Variants in BNC2 observed in about 807,000 individuals in gnomAD.
The protein encoded by BNC2 is basonuclin zinc finger protein 2, also known as zinc finger protein basonuclin-2.
A neutral mutation model predicts 76.3 loss-of-function variants in BNC2; 20 were observed. The observed-to-expected ratio is 0.26, with a 90% CI of 0.18 to 0.38. BNC2 has a LOEUF of 0.38. Among genes scored for constraint, BNC2 ranks in the 10% least tolerant of loss-of-function variants. The pLI is 1.00. For synonymous variants in BNC2, 582 were observed against 514.8 expected (o/e 1.13, Z -1.77); for missense variants, 1,382 against 1,399.8 (o/e 0.99, Z 0.20).
At chr9:16,732,170 AAAAGAAAC>A (rs1824525800) in intron 2 of BNC2, among the ~76,000 whole-genome samples, 1 of 151,352 alleles carries the variant, frequency 6.6e-6, no homozygotes. Context: ...AAAAAAAAGA[AAAAGAAAC>A]AAAAAAGAAA....
At chr9:16,819,218 A>C (rs1818255822) in intron 1 of BNC2, among the ~76,000 whole-genome samples, 1 of 152,230 alleles carries the variant, frequency 6.6e-6, no homozygotes. Context: ...TATTTGACAG[A>C]TTTTATTAAT....
chr9:16,552,393 C>CGA (rs761731320), intron 5 of BNC2, 137 bp downstream of exon 5: 95 of 757,222 alleles, frequency 1.3e-4, no homozygotes, highest in Admixed American at 2.2e-4. Context: ...TTTCCCCTTC[C>CGA]CTGACAAGCC....
intron 3 of BNC2, among the ~76,000 whole-genome samples, chr9:16,653,396 T>C (rs1256187138): frequency 6.6e-6 from 1 of 152,128 alleles, no homozygotes; most frequent in East Asian, 1.9e-4. Flanking sequence ...CCGCCTTAAA[T>C]ACAAAATGCA....
intron 1 of BNC2, among the ~76,000 whole-genome samples, chr9:16,816,187 A>G (rs1039361133): frequency 3.3e-5 from 5 of 152,136 alleles, no homozygotes; most frequent in African/African-American, 1.2e-4. Flanking sequence ...AGCTTGAGAC[A>G]TTGTTCTGGC....
At chr9:16,691,983 G>T (rs550936567) in intron 3 of BNC2, among the ~76,000 whole-genome samples, 1 of 151,492 alleles carries the variant, frequency 6.6e-6, no homozygotes, top group Non-Finnish European at 1.5e-5. Context: ...GCTAATTTTT[G>T]TACTTTTAGT....
At chr9:16,783,263 A>T (rs1434096733) in intron 1 of BNC2, among the ~76,000 whole-genome samples, 1 of 152,184 alleles carries the variant, frequency 6.6e-6, no homozygotes, top group African/African-American at 2.4e-5. Context: ...GAAAAAGTAA[A>T]TAAAACATTC....
At chr9:16,424,229 T>C (rs932799388) in intron 6 of BNC2, among the ~76,000 whole-genome samples, 1 of 148,592 alleles carries the variant, frequency 6.7e-6, no homozygotes, top group Non-Finnish European at 1.5e-5. Flanking sequence ...TTTGAGGTTT[T>C]AAACTTGGCT....
chr9:16,848,887 T>A (rs1319507358), intron 1 of BNC2, among the ~76,000 whole-genome samples: 1 of 152,186 alleles, frequency 6.6e-6, no homozygotes, highest in South Asian at 2.1e-4. Flanking sequence ...AATTCAGGCA[T>A]AAAATGTAAA....
intron 3 of BNC2, among the ~76,000 whole-genome samples, chr9:16,614,156 C>T (rs1820629942): frequency 6.6e-6 from 1 of 152,198 alleles, no homozygotes. Flanking sequence ...ATTTCACTGT[C>T]ACAAGCCTGA....
chr9:16,769,808 C>A (rs1817205893), intron 1 of BNC2, among the ~76,000 whole-genome samples: 1 of 152,166 alleles, frequency 6.6e-6, no homozygotes, highest in Non-Finnish European at 1.5e-5. Flanking sequence ...TTACAAGATT[C>A]ATGTGGGTGG....
chr9:16,860,171 A>G (rs1008808936), intron 1 of BNC2, among the ~76,000 whole-genome samples: 3 of 152,218 alleles, frequency 2.0e-5, no homozygotes, highest in African/African-American at 7.2e-5. Context: ...TTTCTACCAC[A>G]ATCCAAATTG....
At chr9:16,520,066 C>T (rs1041380967) in intron 5 of BNC2, among the ~76,000 whole-genome samples, 2 of 152,188 alleles carry the variant, frequency 1.3e-5, no homozygotes, top group African/African-American at 2.4e-5. Flanking sequence ...TTTTGGCTAC[C>T]ATAATCTGAC....
chr9:16,638,175 C>A (rs1296588373), intron 3 of BNC2, among the ~76,000 whole-genome samples: 2 of 152,178 alleles, frequency 1.3e-5, no homozygotes, highest in Non-Finnish European at 2.9e-5. Flanking sequence ...CTCGTGGTTT[C>A]TGGCAAGGTT....
At chr9:16,847,170 T>G (rs1278383274) in intron 1 of BNC2, among the ~76,000 whole-genome samples, 1 of 152,028 alleles carries the variant, frequency 6.6e-6, no homozygotes, top group African/African-American at 2.4e-5. Flanking sequence ...ATATAAGAGA[T>G]ATAATTAGTT....
At chr9:16,851,291 T>A (rs540343655) in intron 1 of BNC2, among the ~76,000 whole-genome samples, 2 of 152,148 alleles carry the variant, frequency 1.3e-5, no homozygotes, top group South Asian at 4.2e-4. Context: ...GAGGATTGCT[T>A]GATCCCAGGA....
At chr9:16,498,037 A>G (rs183288608) in intron 5 of BNC2, among the ~76,000 whole-genome samples, 3 of 148,896 alleles carry the variant, frequency 2.0e-5, no homozygotes, top group Non-Finnish European at 4.5e-5. Flanking sequence ...CACCATATAT[A>G]TATTCCATCA....
At chr9:16,845,045 AC>A (rs1289420456) in intron 1 of BNC2, among the ~76,000 whole-genome samples, 1 of 151,910 alleles carries the variant, frequency 6.6e-6, no homozygotes, top group Non-Finnish European at 1.5e-5. Flanking sequence ...AGAAGCCTAA[AC>A]CCCCTCCACC....
intron 1 of BNC2, among the ~76,000 whole-genome samples, chr9:16,827,253 T>A (rs1042760373): frequency 6.6e-6 from 1 of 152,228 alleles, no homozygotes; most frequent in Admixed American, 6.5e-5. Context: ...CAGTTAATAA[T>A]GTGTAACTAG....
intron 1 of BNC2, among the ~76,000 whole-genome samples, chr9:16,856,533 C>T (rs1482080658): frequency 6.6e-6 from 1 of 152,132 alleles, no homozygotes; most frequent in East Asian, 1.9e-4. Flanking sequence ...CTCAGCCTCC[C>T]AAATAGTTGG....
Sources: gnomAD v4.1 joint callset for allele counts (sites outside exome capture counted in the v4.1 genomes callset) on GRCh38, gnomAD v4.1.1 for gene constraint, MANE v1.5 for transcripts, NCBI Gene and HGNC (gene_info 2026-07-23, HGNC 2026-07-21) for gene names.